MAPK7: variants seen among roughly 807,000 people sequenced by gnomAD.
The protein encoded by MAPK7 is mitogen-activated protein kinase 7.
Under a neutral mutation model 56.9 loss-of-function variants are expected in MAPK7, and 30 were observed. The observed-to-expected ratio is 0.53, with a 90% confidence interval of 0.39 to 0.72. The LOEUF is 0.72. Ranked by LOEUF, MAPK7 falls within the 30% of genes least tolerant of loss-of-function variation. MAPK7 has a pLI of 0.00. For synonymous variants in MAPK7, 516 were observed against 449.3 expected (o/e 1.15, Z -1.88); for missense variants, 952 against 1,110.8 (o/e 0.86, Z 2.03).
intron 3 of MAPK7, chr17:19,380,304 A>G: frequency 1.9e-6 from 1 of 527,410 alleles, no homozygotes; most frequent in Non-Finnish European, 3.2e-6. Flanking sequence ...TCAAGCTGCC[A>G]CTACCAAACA....
chr17:19,377,996 C>T (rs1012977791), upstream of MAPK7: 19 of 985,248 alleles, frequency 1.9e-5, 1 homozygote, highest in South Asian at 8.0e-4. Context: ...TTGGCCGTGA[C>T]GGGCACCCTC....
chr17:19,381,396 G>A lies in MAPK7; in HGVS notation c.1187G>A (p.Arg396His), dbSNP rs55733844. The part of the protein sequence containing the change: ...EDFHARREGI[R>H]QQIRFQPSLQ... ...TTCCATGCAAGGCGTGAGGGCATCC[G>A]CCAACAGATCCGCTTCCAGCCTTCT... The change falls in exon 4 of 7, where the codon CGC becomes CAC. Residue 396 changes from arginine (R) to histidine (H), a missense_variant. Coordinates refer to ENST00000395604, the MANE Select transcript of MAPK7 (RefSeq NM_002749.4). The surrounding 1 kb of genome is among the most constrained non-coding windows in gnomAD (Gnocchi z 4.6). The A allele has an allele frequency of 3.8e-4, 610 of 1,614,126 alleles. No individual in the cohort carries two copies. Among genetic ancestry groups the A allele is most frequent in the Non-Finnish European group, 4.8e-4 (565 of 1,180,044 alleles).
Position 19,381,031 on chromosome 17 carries a change from C to A in MAPK7, c.822C>A (p.Ile274=). ...ACTATGTACACCAGCTACAGCTCAT[C>A]ATGATGGTGCTGGGTACCCCATCAC... The part of the protein sequence containing the change: ...GKNYVHQLQL[I]MMVLGTPSPA... Residue 274 remains isoleucine (I), a synonymous_variant, in exon 4 of 7, where the codon ATC becomes ATA. Coordinates refer to ENST00000395604, the MANE Select transcript of MAPK7 (RefSeq NM_002749.4). The surrounding 1 kb of genome is among the most constrained non-coding windows in gnomAD (Gnocchi z 4.6). 1 of 1,614,154 alleles carries A rather than the reference C, an allele frequency of 6.2e-7. No individual in the cohort carries two copies. Among genetic ancestry groups the A allele is most frequent in the Non-Finnish European group, 8.5e-7 (1 of 1,180,032 alleles).
intron 2 of MAPK7, 142 bp downstream of exon 2, chr17:19,379,274 C>A: frequency 1.3e-6 from 1 of 755,832 alleles, no homozygotes; most frequent in Non-Finnish European, 2.1e-6. Context: ...CTTCTGCCTG[C>A]CAGGCTCCGG....
At chr17:19,382,514 G>T (rs1306485783) in intron 5 of MAPK7, 48 bp downstream of exon 5, 1 of 1,526,396 alleles carries the variant, frequency 6.6e-7, no homozygotes, top group East Asian at 2.3e-5. Flanking sequence ...TGGGCCAAAG[G>T]AAAATGGGTT....
Position 19,382,031 on chromosome 17 carries a change from C to G in MAPK7, c.1728C>G (p.Ala576=). The G allele has an allele frequency of 2.6e-6, 4 of 1,563,706 alleles. No individual in the cohort carries two copies. Among genetic ancestry groups the G allele is most frequent in the Non-Finnish European group, 3.5e-6 (4 of 1,154,450 alleles). The part of the protein sequence containing the change: ...RSLLERWTRM[A]RPAAPALTSV... ...TGTTGGAACGCTGGACTCGAATGGC[C>G]CGGCCCGCAGCCCCAGCCCTCACCT... Residue 576 remains alanine (A), a synonymous_variant, in exon 5 of 7, where the codon GCC becomes GCG. Transcript: ENST00000395604.
chr17:19,382,163 T>C lies in MAPK7; in HGVS notation c.1860T>C (p.Ser620=). The C allele has an allele frequency of 6.2e-7, 1 of 1,611,966 alleles. No homozygotes were observed. The highest frequency in any genetic ancestry group is 1.3e-5 in the African/African-American group (1 of 74,804). ...AGCCCACTGGCCCGCAACCACAATC[T>C]GCGGGCTCTACCTCTGGCCCTGTAC... ...VAQPTGPQPQ[S]AGSTSGPVPQ... Residue 620 remains serine (S), a synonymous_variant, in exon 5 of 7, where the codon TCT becomes TCC. Coordinates refer to ENST00000395604, the MANE Select transcript of MAPK7 (RefSeq NM_002749.4).
intron 2 of MAPK7, 107 bp downstream of exon 2, chr17:19,379,239 C>T: frequency 1.0e-6 from 1 of 966,238 alleles, no homozygotes; most frequent in East Asian, 2.6e-5. Context: ...AGTTCTGGCT[C>T]CAGTCAACAC....
rs1567924578 is a variant in MAPK7 at position 19,383,208 on chromosome 17, C to T, written c.2428C>T (p.Leu810=). The T allele has an allele frequency of 6.2e-7, 1 of 1,614,084 alleles. No individual in the cohort carries two copies. Among genetic ancestry groups the T allele is most frequent in the South Asian group, 1.1e-5 (1 of 91,074 alleles). ...QMDSPMLLAD[L]PDLQDP ...GGACTCCCCAATGCTGCTGGCTGAC[C>T]TGCCTGACCTCCAGGACCCCTGAGG... The change falls in exon 7 of 7, where the codon CTG becomes TTG. Residue 810 remains leucine, a synonymous_variant. Transcript: ENST00000395604.
chr17:19,380,798 A>G lies in MAPK7; in HGVS notation c.589A>G (p.Lys197Glu). 6.2e-7 allele frequency: 1 copy of G among 1,613,214 alleles called. No individual in the cohort carries two copies. Among genetic ancestry groups the G allele is most frequent in the Non-Finnish European group, 8.5e-7 (1 of 1,179,246 alleles). The change falls in exon 4 of 7, where the codon AAG becomes GAG. Residue 197 changes from lysine (K) to glutamate (E), a missense_variant. By Grantham distance (56) the Lys-to-Glu change is moderately conservative (BLOSUM62 1). Around this residue, in one of 5 missense-constraint regions of MAPK7, gnomAD observed 429 missense variants for 533.0 expected, o/e 0.80. Coordinates refer to ENST00000395604, the MANE Select transcript of MAPK7 (RefSeq NM_002749.4). ...NLLVNENCEL[K>E]IGDFGMARGL... ...ATTGGTGAATGAGAACTGTGAGCTC[A>G]AGATTGGTGACTTTGGTATGGCTCG...
rs747888959 is a variant in MAPK7 at position 19,380,932 on chromosome 17, G to A, written c.723G>A (p.Gln241=). The change falls in exon 4 of 7, where the codon CAG becomes CAA. Residue 241 remains glutamine (Q), a synonymous_variant. Transcript: ENST00000395604. The part of the protein sequence containing the change: ...ELMLSLHEYT[Q]AIDLWSVGCI... ...TGCTCTCTTTGCATGAGTATACACA[G>A]GCTATTGACCTCTGGTCTGTGGGCT... 1.2e-6 allele frequency: 2 copies of A among 1,614,242 alleles called. No homozygotes were observed. The highest frequency in any genetic ancestry group is 1.7e-6 in the Non-Finnish European group (2 of 1,180,044).
intron 2 of MAPK7, 24 bp from the exon 3 acceptor site, chr17:19,379,758 A>T: frequency 6.2e-7 from 1 of 1,611,622 alleles, no homozygotes; most frequent in South Asian, 1.1e-5. Flanking sequence ...ATCCTCTGGT[A>T]TGTCCCTTTT....
At position 19,380,906 on chromosome 17, in the gene MAPK7, A is replaced by G; in HGVS notation, c.697A>G (p.Met233Val). The G allele has an allele frequency of 1.9e-6, 3 of 1,614,176 alleles. No individual in the cohort carries two copies. Among genetic ancestry groups the G allele is most frequent in the Non-Finnish European group, 2.5e-6 (3 of 1,180,012 alleles). Residue 233 changes from methionine to valine, a missense_variant, in exon 4 of 7, where the codon ATG becomes GTG. Physicochemically the swap from Met to Val is conservative, Grantham distance 21. This residue lies in a region of MAPK7 where 429 missense variants were observed against 533.0 expected (regional missense o/e 0.80). Coordinates refer to ENST00000395604, the MANE Select transcript of MAPK7 (RefSeq NM_002749.4). ...ATRWYRAPEL[M>V]LSLHEYTQAI... ...GCGCTGGTACCGTGCGCCCGAGCTC[A>G]TGCTCTCTTTGCATGAGTATACACA...
chr17:19,377,910 A>G, upstream of MAPK7: 4 of 985,338 alleles, frequency 4.1e-6, no homozygotes, highest in Non-Finnish European at 4.8e-6. Context: ...GAAGCTGCGG[A>G]GAGGCTCAGC....
chr17:19,381,023 C>T lies in MAPK7; in HGVS notation c.814C>T (p.Gln272Ter). Reference sequence around the variant, plus strand: ...AGGCAAAAACTATGTACACCAGCTACAGCTCATCATGATGGTGCTGGGTAC... The same window carrying T: ...AGGCAAAAACTATGTACACCAGCTATAGCTCATCATGATGGTGCTGGGTAC... ...FPGKNYVHQL[Q>*]LIMMVLGTPS... The change falls in exon 4 of 7, where the codon CAG (glutamine) becomes TAG (stop). Residue 272 changes from glutamine to a stop codon, truncating the protein, a stop_gained. Transcript: ENST00000395604. LOFTEE classifies it high-confidence loss of function. This position sits in a 1 kb window ranked among gnomAD's most constrained non-coding sequence, Gnocchi z 4.6. 6.2e-7 allele frequency: 1 copy of T among 1,614,182 alleles called. No homozygotes were observed. The highest frequency in any genetic ancestry group is 8.5e-7 in the Non-Finnish European group (1 of 1,180,036).
At chr17:19,378,433 G>C (rs1912286986), upstream of MAPK7, 4 of 1,012,336 alleles carry the variant, frequency 4.0e-6, no homozygotes, top group Non-Finnish European at 4.7e-6. This position sits in a 1 kb window ranked among gnomAD's most constrained non-coding sequence, Gnocchi z 5.4. Context: ...CGCAGCAGTA[G>C]CTCAGCGATT....
rs373540639 is a variant in MAPK7 at position 19,381,504 on chromosome 17, A to T, written c.1295A>T (p.Glu432Val). Residue 432 changes from glutamate to valine, a missense_variant, in exon 4 of 7, where the codon GAG becomes GTG. This residue lies in a region of MAPK7 where 429 missense variants were observed against 533.0 expected (regional missense o/e 0.80). Transcript: ENST00000395604. The surrounding 1 kb of genome is among the most constrained non-coding windows in gnomAD (Gnocchi z 4.6). Reference sequence around the variant, plus strand: ...GCTCCCAGTGGGGACTGTGCCATGGAGTCTCCACCACCAGCCCCGCCACCA... The same window carrying T: ...GCTCCCAGTGGGGACTGTGCCATGGTGTCTCCACCACCAGCCCCGCCACCA... Reference protein sequence around the residue: ...PWAPSGDCAMESPPPAPPPCP... With the variant: ...PWAPSGDCAMVSPPPAPPPCP... 8.1e-6 allele frequency: 13 copies of T among 1,613,708 alleles called. No homozygotes were observed. Among genetic ancestry groups the T allele is most frequent in the South Asian group, 1.1e-5 (1 of 91,070 alleles).
intron 3 of MAPK7, 166 bp downstream of exon 3, chr17:19,380,113 T>C (rs1342426112): frequency 4.3e-6 from 3 of 701,550 alleles, no homozygotes; most frequent in African/African-American, 1.8e-5. Flanking sequence ...ACAACTGTTA[T>C]TCCTCAAGAA....
In MAPK7 at chr17:19,382,915, G is replaced by A. The variant is rs775587740; in HGVS notation, c.2266G>A (p.Asp756Asn). 2 of 1,614,212 alleles carry A rather than the reference G, an allele frequency of 1.2e-6. No homozygotes were observed. The highest frequency in any genetic ancestry group is 2.2e-5 in the South Asian group (2 of 91,070). Residue 756 changes from aspartate (D) to asparagine (N), a missense_variant, in exon 6 of 7, where the codon GAC becomes AAC. Coordinates refer to ENST00000395604, the MANE Select transcript of MAPK7 (RefSeq NM_002749.4). ...GGAGGAATTCTTAAACCAGTCTTTC[G>A]ACATGGGCGTGGCTGATGGGCCACA... is the stretch of plus-strand genomic sequence containing the variant. ...DLEEFLNQSFDMGVADGPQDG... is the reference protein window; with the variant it reads ...DLEEFLNQSFNMGVADGPQDG...
Sources: allele counts gnomAD v4.1 joint callset, GRCh38; gene constraint gnomAD v4.1.1; regional missense constraint gnomAD v4.1.1; non-coding constraint Gnocchi (gnomAD v3.1); transcripts MANE v1.5; gene names NCBI Gene and HGNC (gene_info 2026-07-23, HGNC 2026-07-21).